Variants in ABHD17A observed in about 807,000 individuals in gnomAD.
ABHD17A encodes alpha/beta hydrolase domain-containing protein 17A.
A neutral mutation model predicts 26.8 loss-of-function variants in ABHD17A; 10 were observed. That is an observed-to-expected ratio of 0.37 (90% confidence interval 0.23 to 0.63). The LOEUF is 0.63. ABHD17A is among the 30% of genes least tolerant of loss of function. ABHD17A has a pLI of 0.61. For missense variants in ABHD17A, 292 were observed against 457.3 expected (o/e 0.64, Z 3.30); for synonymous variants, 167 against 210.9 (o/e 0.79, Z 1.80).
Position 1,877,541 on chromosome 19 carries a change from G to C in ABHD17A, c.674C>G (p.Thr225Ser), listed in dbSNP as rs2145386241. ...TSGMRVAFPD[T>S]KKTYCFDAFP... is the part of the protein sequence containing the mutation. ...GGCGTCGAAGCAGTAGGTCTTCTTGGTGTCGGGGAAGGCGACGCGCATGCC... is the reference window on the plus strand; with the variant it reads ...GGCGTCGAAGCAGTAGGTCTTCTTGCTGTCGGGGAAGGCGACGCGCATGCC... The change falls in exon 4 of 5, where the codon ACC (threonine) becomes AGC (serine). Residue 225 changes from threonine to serine, a missense_variant. Coordinates refer to ENST00000292577, the MANE Select transcript of ABHD17A (RefSeq NM_001130111.2). 2 of 1,595,598 alleles carry C rather than the reference G, an allele frequency of 1.3e-6. No individual in the cohort carries two copies. Among genetic ancestry groups the C allele is most frequent in the Non-Finnish European group, 1.7e-6 (2 of 1,178,994 alleles).
At chr19:1,881,902 A>C in intron 1 of ABHD17A, 98 bp from the exon 2 acceptor site, 1 of 279,226 alleles carries the variant, frequency 3.6e-6, no homozygotes. Flanking sequence ...AGGGGGCGGC[A>C]TGGGCCCGGG....
chr19:1,880,785 G>C lies in ABHD17A; in HGVS notation c.332+450C>G. 6.8e-7 allele frequency: 1 copy of C among 1,476,184 alleles called. No individual in the cohort carries two copies. The highest frequency in any genetic ancestry group is 9.1e-7 in the Non-Finnish European group (1 of 1,092,904). 91.4% of individuals were successfully genotyped at this position (1,476,184 alleles called of 1,614,324 possible). A position where few individuals can be genotyped will look rare whatever the true frequency, so the allele number is the denominator to read the frequency against. On this transcript the variant is annotated intron_variant, in intron 2 of 4. Coordinates refer to ENST00000292577, the MANE Select transcript of ABHD17A (RefSeq NM_001130111.2). This position sits in a 1 kb window ranked among gnomAD's most constrained non-coding sequence, Gnocchi z 4.1. ...CCCCAGGTGGTGCCAGGAGCAGGTG[G>C]CCAGGCTGGCCCTGCCATGGACTGC...
At position 1,879,711 on chromosome 19, in the gene ABHD17A, T is replaced by C; in HGVS notation, c.527+210A>G. On this transcript the variant is annotated intron_variant, in intron 3 of 4. Transcript: ENST00000292577. The surrounding 1 kb of genome is among the most constrained non-coding windows in gnomAD (Gnocchi z 7.6). The stretch of plus-strand genomic sequence containing the variant: ...GAACCTGGCTCCACAGGCCAGGGTG[T>C]GGGAGGACCGCCTGGCCACACCTCA... The C allele has an allele frequency of 1.7e-6, 1 of 586,176 alleles. No individual in the cohort carries two copies. The highest frequency in any genetic ancestry group is 3.0e-6 in the Non-Finnish European group (1 of 329,276). The allele number at this position is 586,176 out of a possible 1,614,324, so 36.3% of individuals were successfully genotyped here. A position where few individuals can be genotyped will look rare whatever the true frequency, so the allele number is the denominator to read the frequency against.
Position 1,876,908 on chromosome 19 carries a change from G to A in ABHD17A, c.*292C>T, listed in dbSNP as rs892943181. On this transcript the variant is annotated 3_prime_UTR_variant, in exon 5 of 5. Coordinates refer to ENST00000292577, the MANE Select transcript of ABHD17A (RefSeq NM_001130111.2). ...CTCAGGGACGAAACCTGGGAACCCC[G>A]GCCCCCTTTCGAGCTCGCTGAGCGC... 24 of 444,790 alleles carry A rather than the reference G, an allele frequency of 5.4e-5. No individual in the cohort carries two copies. The highest frequency in any genetic ancestry group is 2.3e-5 in the South Asian group (1 of 44,176). 27.6% of individuals were successfully genotyped at this position (444,790 alleles called of 1,614,324 possible). A position where few individuals can be genotyped will look rare whatever the true frequency, so the allele number is the denominator to read the frequency against.
intron 1 of ABHD17A, among the ~76,000 whole-genome samples, chr19:1,884,521 C>A (rs1049468406): frequency 6.6e-6 from 1 of 152,140 alleles, no homozygotes; most frequent in African/African-American, 2.4e-5. Context: ...AGCAACCGAG[C>A]AGCCAAAATA....
At chr19:1,885,012 G>C (rs970819323) in intron 1 of ABHD17A, among the ~76,000 whole-genome samples, 12 of 152,322 alleles carry the variant, frequency 7.9e-5, no homozygotes, top group Admixed American at 3.9e-4. Flanking sequence ...AGCTGCCTTG[G>C]GGGGCGAGAG....
intron 3 of ABHD17A, chr19:1,878,933 T>C (rs1338742198): frequency 4.6e-5 from 7 of 152,216 alleles, no homozygotes; most frequent in Non-Finnish European, 8.8e-5. Context: ...GCAGGACAGA[T>C]GGCCGAGCAG....
In ABHD17A at chr19:1,880,321, G is replaced by A. The variant is rs931272630; in HGVS notation, c.333-206C>T. ...TCTCCGAGGGTTCCCCATGGGGAGAGGACAGGACAGCTGGCAGGGGGACAG... is the reference window on the plus strand; with the variant it reads ...TCTCCGAGGGTTCCCCATGGGGAGAAGACAGGACAGCTGGCAGGGGGACAG... On this transcript the variant is annotated intron_variant, in intron 2 of 4. Transcript: ENST00000292577. The surrounding 1 kb of genome is among the most constrained non-coding windows in gnomAD (Gnocchi z 4.1). Among the ~76,000 whole-genome samples, 15 of 152,340 alleles carry A rather than the reference G, an allele frequency of 9.8e-5. No homozygotes were observed. The highest frequency in any genetic ancestry group is 1.9e-4 in the Non-Finnish European group (13 of 68,018).
intron 3 of ABHD17A, chr19:1,878,091 G>A (rs1010790589): frequency 9.2e-5 from 21 of 227,662 alleles, no homozygotes; most frequent in African/African-American, 4.5e-4. Context: ...TTAGAAAACC[G>A]TTCCTGGTGC....
chr19:1,884,607 G>A (rs2012625439), intron 1 of ABHD17A, among the ~76,000 whole-genome samples: 1 of 152,134 alleles, frequency 6.6e-6, no homozygotes, highest in African/African-American at 2.4e-5. Context: ...CCGCCTGGGG[G>A]GAGGCGCGGC....
Position 1,877,008 on chromosome 19 carries a change from G to C in ABHD17A, c.*192C>G. 1 of 584,136 alleles carries C rather than the reference G, an allele frequency of 1.7e-6. No individual in the cohort carries two copies. The highest frequency in any genetic ancestry group is 2.0e-5 in the South Asian group (1 of 49,046). The allele number at this position is 584,136 out of a possible 1,614,324, so 36.2% of individuals were successfully genotyped here. ...TTAAATCTTTAATTTCCGTTTTCACGTATTTTCTTCTTGCTTCCAAAAGGA... is the reference window on the plus strand; with the variant it reads ...TTAAATCTTTAATTTCCGTTTTCACCTATTTTCTTCTTGCTTCCAAAAGGA... On this transcript the variant is annotated 3_prime_UTR_variant, in exon 5 of 5. Coordinates refer to ENST00000292577, the MANE Select transcript of ABHD17A (RefSeq NM_001130111.2).
chr19:1,882,321 G>C (rs922190365), intron 1 of ABHD17A: 4 of 152,324 alleles, frequency 2.6e-5, no homozygotes, highest in Non-Finnish European at 4.4e-5. Context: ...GGGTCCCACC[G>C]GCCTGCGATG....
intron 2 of ABHD17A, 157 bp downstream of exon 2, chr19:1,881,078 G>T: frequency 1.3e-6 from 2 of 1,589,152 alleles, no homozygotes; most frequent in South Asian, 1.1e-5. Flanking sequence ...GAGGGACGAG[G>T]CCGGCCTGAC....
At chr19:1,884,520 G>A (rs149159981) in intron 1 of ABHD17A, among the ~76,000 whole-genome samples, 2 of 152,282 alleles carry the variant, frequency 1.3e-5, no homozygotes, top group African/African-American at 4.8e-5. Flanking sequence ...AAGCAACCGA[G>A]CAGCCAAAAT....
chr19:1,882,038 C>T lies in ABHD17A; in HGVS notation c.-238-234G>A, dbSNP rs147365189. On this transcript the variant is annotated intron_variant, in intron 1 of 4. Transcript: ENST00000292577. ...GGAACCCCCACCTTCCCTGAGCTGG[C>T]GATCACCACCTCTTGCCATGTGAGT... 2.6e-3 allele frequency: 416 copies of T among 160,038 alleles called. 1 individual carries two copies. Among genetic ancestry groups the T allele is most frequent in the Non-Finnish European group, 4.2e-3 (312 of 73,558 alleles). The allele number at this position is 160,038 out of a possible 1,614,324, so 9.9% of individuals were successfully genotyped here. A position where few individuals can be genotyped will look rare whatever the true frequency, so the allele number is the denominator to read the frequency against.
rs772303266 is a variant in ABHD17A at position 1,881,439 on chromosome 19, G to T, written c.128C>A (p.Pro43Gln). 1 of 1,602,362 alleles carries T rather than the reference G, an allele frequency of 6.2e-7. No homozygotes were observed. ...ATYSLVPEPEPGPGGAGAAPL... is the reference protein window; with the variant it reads ...ATYSLVPEPEQGPGGAGAAPL... ...GGCGGCCCCGGCCCCACCAGGCCCC[G>T]GCTCGGGCTCAGGCACCAGGGAGTA... The change falls in exon 2 of 5, where the codon CCG becomes CAG. Residue 43 changes from proline to glutamine, a missense_variant. Coordinates refer to ENST00000292577, the MANE Select transcript of ABHD17A (RefSeq NM_001130111.2).
chr19:1,885,444 G>C lies in ABHD17A; in HGVS notation c.-331C>G, dbSNP rs998422949. 1 of 152,130 alleles carries C rather than the reference G, an allele frequency of 6.6e-6. No individual in the cohort carries two copies. Among genetic ancestry groups the C allele is most frequent in the African/African-American group, 2.4e-5 (1 of 41,388 alleles). 9.4% of individuals were successfully genotyped at this position (152,130 alleles called of 1,614,324 possible). A position where few individuals can be genotyped will look rare whatever the true frequency, so the allele number is the denominator to read the frequency against. On this transcript the variant is annotated 5_prime_UTR_variant, in exon 1 of 5. Coordinates refer to ENST00000292577, the MANE Select transcript of ABHD17A (RefSeq NM_001130111.2). ...CGTCGGTCCCTCCGCACCCCTGCCC[G>C]GCCTCCTGCACCGCCACCGCCGCAG...
rs1452901852 is a variant in ABHD17A, at chr19:1,877,277, CGTT to C, written c.853_855del (p.Asn285del). On this transcript the variant is annotated inframe_deletion, in exon 5 of 5. Coordinates refer to ENST00000292577, the MANE Select transcript of ABHD17A (RefSeq NM_001130111.2). ...AGGTACTGGCTGTAGAGCTCGATGT[CGTT>C]GTGCCCGGCGCCCTCCACCCACAGC... The C allele has an allele frequency of 2.6e-6, 4 of 1,538,046 alleles. No individual in the cohort carries two copies. Among genetic ancestry groups the C allele is most frequent in the Non-Finnish European group, 3.5e-6 (4 of 1,146,808 alleles).
In ABHD17A at chr19:1,876,956, G is replaced by A. The variant is rs902957894; in HGVS notation, c.*244C>T. The A allele has an allele frequency of 3.7e-6, 2 of 541,824 alleles. No individual in the cohort carries two copies. The highest frequency in any genetic ancestry group is 6.6e-6 in the Non-Finnish European group (2 of 302,504). The allele number at this position is 541,824 out of a possible 1,614,324, so 33.6% of individuals were successfully genotyped here. A position where few individuals can be genotyped will look rare whatever the true frequency, so the allele number is the denominator to read the frequency against. ...CGCTCGAGAGAGTGAGCAGAGCCAT[G>A]AAAGGAAGGAGAGCAGCCCTAAAAT... is the stretch of plus-strand genomic sequence containing the variant. On this transcript the variant is annotated 3_prime_UTR_variant, in exon 5 of 5. Coordinates refer to ENST00000292577, the MANE Select transcript of ABHD17A (RefSeq NM_001130111.2).
Sources: gnomAD v4.1 joint callset for allele counts (sites outside exome capture counted in the v4.1 genomes callset) on GRCh38, gnomAD v4.1.1 for gene constraint, Gnocchi (gnomAD v3.1) non-coding constraint, MANE v1.5 for transcripts, NCBI Gene and HGNC (gene_info 2026-07-23, HGNC 2026-07-21) for gene names.